Variants in LONP1 observed in about 807,000 individuals in gnomAD.
LONP1 encodes lon protease homolog, mitochondrial.
In LONP1, 31 loss-of-function variants were observed where a neutral mutation model predicts 98.5. The observed-to-expected ratio is 0.31, with a 90% CI of 0.24 to 0.42. The LOEUF (loss-of-function observed/expected upper bound fraction) is 0.42. Ranked by LOEUF, LONP1 falls within the 20% of genes least tolerant of loss-of-function variation. LONP1 has a pLI of 1.00. For synonymous variants in LONP1, 781 were observed against 594.7 expected (o/e 1.31, Z -4.56); for missense variants, 1,336 against 1,350.6 (o/e 0.99, Z 0.17).
At chr19:5,707,479 G>A (rs964345862) in intron 6 of LONP1, among the ~76,000 whole-genome samples, 4 of 152,174 alleles carry the variant, frequency 2.6e-5, no homozygotes, top group African/African-American at 4.8e-5. Context: ...TGAAGCCACC[G>A]AAAGGCGGAT....
chr19:5,699,353 TGCCACTG>T (rs1181505125), intron 9 of LONP1, 148 bp from the exon 10 acceptor site: 4 of 523,406 alleles, frequency 7.6e-6, no homozygotes, highest in East Asian at 3.5e-5. Flanking sequence ...ACATCAGAGC[TGCCACTG>T]GCCACGGGGA....
Position 5,719,721 on chromosome 19 carries a change from A to C in LONP1, c.412T>G (p.Phe138Val), listed in dbSNP as rs761424636. ...CCCATTACCTCGATAATCTTGATAA[A>C]GCGCGGGAACACCGGGTTGCGGGTG... ...AITRNPVFPRFIKIIEVKNKK... is the reference protein window; with the variant it reads ...AITRNPVFPRVIKIIEVKNKK... Residue 138 changes from phenylalanine to valine, a missense_variant, in exon 1 of 18, where the codon TTT becomes GTT. Coordinates refer to ENST00000360614, the MANE Select transcript of LONP1 (RefSeq NM_004793.4). 4 of 1,613,892 alleles carry C rather than the reference A, an allele frequency of 2.5e-6. No individual in the cohort carries two copies. The highest frequency in any genetic ancestry group is 3.4e-6 in the Non-Finnish European group (4 of 1,180,026).
rs758098715 is a variant in LONP1, at chr19:5,696,051, T to C, written c.2013+3A>G. The C allele has an allele frequency of 2.6e-5, 42 of 1,610,990 alleles. No homozygotes were observed. The highest frequency in any genetic ancestry group is 3.4e-5 in the Non-Finnish European group (40 of 1,179,252). ...GACAGCAGTGGGGAGGGGCTGGGCTTACCTCCGCAATGGCCAGCTTCTCCT... is the reference window on the plus strand; with the variant it reads ...GACAGCAGTGGGGAGGGGCTGGGCTCACCTCCGCAATGGCCAGCTTCTCCT... On this transcript the variant is annotated splice_donor_region_variant and intron_variant, in intron 13 of 17. Transcript: ENST00000360614.
At chr19:5,710,133 G>C (rs1038353480) in intron 4 of LONP1, among the ~76,000 whole-genome samples, 3 of 150,662 alleles carry the variant, frequency 2.0e-5, no homozygotes, top group Non-Finnish European at 4.4e-5. Context: ...GCCCAGGCTG[G>C]AATGCAATAG....
chr19:5,692,164 G>A lies in LONP1; in HGVS notation c.2748C>T (p.Asn916=). 1.2e-6 allele frequency: 2 copies of A among 1,614,122 alleles called. No homozygotes were observed. Among genetic ancestry groups the A allele is most frequent in the Non-Finnish European group, 1.7e-6 (2 of 1,179,994 alleles). ...CTGCCAGGTCGTAGAAGTCCTTCTT[G>A]TTCTCGGCTGGCAGGACGATGCACG... is the stretch of plus-strand genomic sequence containing the variant. ...GVTCIVLPAE[N]KKDFYDLAAF... is the part of the protein sequence containing the mutation. Residue 916 remains asparagine (N), a synonymous_variant, in exon 18 of 18, where the codon AAC becomes AAT. Coordinates refer to ENST00000360614, the MANE Select transcript of LONP1 (RefSeq NM_004793.4).
At position 5,696,700 on chromosome 19, in the gene LONP1, C is replaced by G; in HGVS notation, c.1743G>C (p.Lys581Asn). 1 of 1,613,686 alleles carries G rather than the reference C, an allele frequency of 6.2e-7. No homozygotes were observed. The highest frequency in any genetic ancestry group is 8.5e-7 in the Non-Finnish European group (1 of 1,179,948). The change falls in exon 11 of 18, where the codon AAG becomes AAC. Residue 581 changes from lysine (K) to asparagine (N), a missense_variant. By Grantham distance (94) the Lys-to-Asn change is moderately conservative. This residue lies in a region of LONP1 where 555 missense variants were observed against 542.6 expected (regional missense o/e 1.02). Coordinates refer to ENST00000360614, the MANE Select transcript of LONP1 (RefSeq NM_004793.4). ...CGATGAGGATCAGGGGGTTCTCCGT[C>G]TTGGTCTTCTTCAAACACTGGATGA... ...GKIIQCLKKT[K>N]TENPLILIDE...
intron 4 of LONP1, among the ~76,000 whole-genome samples, chr19:5,709,403 A>G (rs529299985): frequency 1.3e-5 from 2 of 151,978 alleles, no homozygotes; most frequent in South Asian, 4.2e-4. Flanking sequence ...AAGGAGGCCG[A>G]GGCAGGAGAA....
At chr19:5,710,332 G>A (rs548650866) in intron 4 of LONP1, among the ~76,000 whole-genome samples, 52 of 151,770 alleles carry the variant, frequency 3.4e-4, no homozygotes, top group African/African-American at 1.2e-3. Context: ...CAGGTGATCC[G>A]CCCACCTCGG....
intron 4 of LONP1, chr19:5,708,997 A>T (rs1024532261): frequency 7.4e-6 from 1 of 135,494 alleles, no homozygotes; most frequent in Non-Finnish European, 1.5e-5. Flanking sequence ...TGGGCGAAAG[A>T]GCGAGACTCT....
chr19:5,707,490 G>C (rs1428718707), intron 6 of LONP1, among the ~76,000 whole-genome samples: 1 of 152,204 alleles, frequency 6.6e-6, no homozygotes, highest in East Asian at 1.9e-4. Context: ...AAAGGCGGAT[G>C]GATGTGGACC....
intron 8 of LONP1, among the ~76,000 whole-genome samples, chr19:5,701,522 G>T (rs150473648): frequency 6.6e-6 from 1 of 152,104 alleles, no homozygotes; most frequent in African/African-American, 2.4e-5. Context: ...TGGTGGAGAC[G>T]GGGTTTCACT....
At chr19:5,712,159 G>A (rs913787566) in intron 3 of LONP1, 157 bp from the exon 4 acceptor site, 5 of 611,330 alleles carry the variant, frequency 8.2e-6, no homozygotes. Context: ...GGAGACGTGA[G>A]CCGCTTTCTC....
rs200560924 is a variant in LONP1, at chr19:5,707,687, G to A, written c.1062+10C>T. The A allele has an allele frequency of 3.3e-4, 531 of 1,604,204 alleles. 1 individual carries two copies. Among genetic ancestry groups the A allele is most frequent in the Non-Finnish European group, 4.2e-4 (493 of 1,173,220 alleles). On this transcript the variant is annotated intron_variant, in intron 6 of 17. Transcript: ENST00000360614. ...AGGCGTGGGGGGCTGTGGAGGTGAC[G>A]AGCACTCACATTGGTCTCTTCCAGG...
chr19:5,701,205 G>C (rs549964128), intron 8 of LONP1, among the ~76,000 whole-genome samples: 1 of 152,292 alleles, frequency 6.6e-6, no homozygotes, highest in Non-Finnish European at 1.5e-5. Context: ...CAGAATTTTG[G>C]GAGGCCGAGG....
At chr19:5,720,426 A>G (rs1193113964), upstream of LONP1, 69 of 577,294 alleles carry the variant, frequency 1.2e-4, 1 homozygote, top group South Asian at 4.2e-4. Flanking sequence ...ACGTTTAGGA[A>G]CTCATGAGCA....
At position 5,696,137 on chromosome 19, in the gene LONP1, T is replaced by G. The variant is rs141420305; in HGVS notation, c.1930A>C (p.Thr644Pro). 2.5e-6 allele frequency: 4 copies of G among 1,612,938 alleles called. No individual in the cohort carries two copies. The highest frequency in any genetic ancestry group is 3.4e-6 in the Non-Finnish European group (4 of 1,179,888). The change falls in exon 13 of 18, where the codon ACC (threonine) becomes CCC (proline). Residue 644 changes from threonine (T) to proline (P), a missense_variant. By Grantham distance (38) the Thr-to-Pro change is conservative. Transcript: ENST00000360614. ...CGGTCTCGCAGCGGCTCGGGGATGG[T>G]GTCCGTGACGTTGGCCGTGCAGATG... ...LFICTANVTD[T>P]IPEPLRDRME...
intron 1 of LONP1, among the ~76,000 whole-genome samples, chr19:5,716,253 A>AATATAAATATATATATATATATATAT (rs1200539692): frequency 1.4e-5 from 1 of 71,720 alleles, no homozygotes; most frequent in Admixed American, 1.7e-4. Flanking sequence ...ATAAAGTTAA[A>AATATAAATATATATATATATATATAT]ATATACATAT....
At chr19:5,697,888 G>A (rs565849362) in intron 10 of LONP1, among the ~76,000 whole-genome samples, 2 of 152,100 alleles carry the variant, frequency 1.3e-5, no homozygotes, top group South Asian at 4.2e-4. Flanking sequence ...CTCTCCTCCG[G>A]CCCGCACCTC....
Position 5,699,622 on chromosome 19 carries a change from A to C in LONP1, c.1507-417T>G, listed in dbSNP as rs1329143864. The stretch of plus-strand genomic sequence containing the variant: ...GCCCAGGCTAGAGTGTACTGGTGCG[A>C]TCTCATCTCACTGCAACCTCAGCCT... On this transcript the variant is annotated intron_variant, in intron 9 of 17. Coordinates refer to ENST00000360614, the MANE Select transcript of LONP1 (RefSeq NM_004793.4). Among the ~76,000 whole-genome samples, 3 of 138,580 alleles carry C rather than the reference A, an allele frequency of 2.2e-5. No individual in the cohort carries two copies. The Admixed American group carries it at 2.4e-4, about 11-fold the overall frequency. 90.9% of individuals were successfully genotyped at this position (138,580 alleles called of 152,430 possible).
Sources: gnomAD v4.1 joint callset for allele counts (sites outside exome capture counted in the v4.1 genomes callset) on GRCh38, gnomAD v4.1.1 for gene constraint, gnomAD v4.1.1 regional missense constraint, MANE v1.5 for transcripts, NCBI Gene and HGNC (gene_info 2026-07-23, HGNC 2026-07-21) for gene names.